Variants in NOTCH2 observed in about 807,000 individuals in gnomAD.
NOTCH2 encodes notch receptor 2, also known as neurogenic locus notch homolog protein 2.
In NOTCH2, 29 loss-of-function variants were observed where a neutral mutation model predicts 235.8. The observed-to-expected ratio is 0.12, with a 90% CI of 0.09 to 0.17. The LOEUF is 0.17. Among genes scored for constraint, NOTCH2 ranks in the 10% least tolerant of loss-of-function variants. The probability of loss-of-function intolerance (pLI) is 1.00; values close to 1 mark genes in which losing one functional copy is unlikely to be tolerated. For missense variants in NOTCH2, 2,285 were observed against 3,150.2 expected, an observed-to-expected ratio of 0.73 and a Z score of 6.57; for synonymous variants, 1,086 against 1,141.5, an observed-to-expected ratio of 0.95 and a Z score of 0.98.
intron 3 of NOTCH2, among the ~76,000 whole-genome samples, chr1:120,001,316 T>C (rs188555567): frequency 0.036 from 5,447 of 151,802 alleles, 133 homozygotes; most frequent in Middle Eastern, 0.13. Context: ...AGCTACTAGA[T>C]GGTTCAATTA....
At chr1:119,931,599 CCAGAAGAA>C (rs1376027498) in intron 22 of NOTCH2, among the ~76,000 whole-genome samples, 5 of 151,876 alleles carry the variant, frequency 3.3e-5, no homozygotes, top group Non-Finnish European at 5.9e-5. Context: ...TAAAGAAAAT[CCAGAAGAA>C]CACCAAAAAT....
intron 3 of NOTCH2, among the ~76,000 whole-genome samples, chr1:119,999,874 AGAC>A (rs1652645829): frequency 6.7e-6 from 1 of 149,244 alleles, no homozygotes; most frequent in African/African-American, 2.5e-5. Flanking sequence ...GAAGAAAGAC[AGAC>A]AGAAAGAGAG....
chr1:119,968,035 C>T, intron 7 of NOTCH2, 42 bp downstream of exon 7: 1 of 1,611,638 alleles, frequency 6.2e-7, no homozygotes. Context: ...TTGCTGAGCT[C>T]AACAGACACT....
chr1:119,974,025 T>C (rs587694907), intron 5 of NOTCH2, among the ~76,000 whole-genome samples: 17 of 152,220 alleles, frequency 1.1e-4, no homozygotes, highest in African/African-American at 3.4e-4. Context: ...AGTTGGCCAA[T>C]AGAACATAGA....
At chr1:119,964,443 A>G (rs587612872) in intron 10 of NOTCH2, among the ~76,000 whole-genome samples, 1 of 152,292 alleles carries the variant, frequency 6.6e-6, no homozygotes, top group South Asian at 2.1e-4. Context: ...ACCTGAGCTA[A>G]AGGTTTTTAA....
At chr1:119,960,644 G>A (rs905646109) in intron 11 of NOTCH2, among the ~76,000 whole-genome samples, 2 of 151,742 alleles carry the variant, frequency 1.3e-5, no homozygotes, top group Admixed American at 1.3e-4. Context: ...AGGATAAAAT[G>A]CCATACTTGT....
chr1:120,023,202 C>A (rs1289660845), intron 2 of NOTCH2, among the ~76,000 whole-genome samples: 2 of 151,398 alleles, frequency 1.3e-5, no homozygotes, highest in African/African-American at 4.9e-5. Context: ...CTTTGGGAGG[C>A]CGAGGCGGGC....
At position 119,915,394 on chromosome 1, in the gene NOTCH2, G is replaced by A; in HGVS notation, c.7328C>T (p.Pro2443Leu). The change falls in exon 34 of 34, where the codon CCT becomes CTT. Residue 2443 changes from proline to leucine, a missense_variant. Physicochemically the swap from Pro to Leu is moderately conservative, Grantham distance 98. This residue lies in a region of NOTCH2 where 504 missense variants were observed against 538.0 expected (regional missense o/e 0.94). Coordinates refer to ENST00000256646, the MANE Select transcript of NOTCH2 (RefSeq NM_024408.4). The part of the protein sequence containing the change: ...ASDWSDVTTS[P>L]TPGGAGGGQR... ...ACCTCCTCCAGCACCCCCAGGGGTA[G>A]GGCTGGTGGTCACATCTGACCAGTC... The A allele has an allele frequency of 6.2e-7, 1 of 1,614,084 alleles. No homozygotes were observed. Among genetic ancestry groups the A allele is most frequent in the East Asian group, 2.2e-5 (1 of 44,896 alleles).
chr1:119,926,588 C>A lies in NOTCH2; in HGVS notation c.3916G>T (p.Asp1306Tyr). ...FTGRHCETFVDVCPQMPCLNG... is the reference protein window; with the variant it reads ...FTGRHCETFVYVCPQMPCLNG... ...AGGCAGGGCATCTGGGGACACACAT[C>A]GACGAAGGTTTCACAGTGCCGGCCT... The change falls in exon 24 of 34, where the codon GAT becomes TAT. Residue 1306 changes from aspartate to tyrosine, a missense_variant. Transcript: ENST00000256646. 1 of 1,608,484 alleles carries A rather than the reference C, an allele frequency of 6.2e-7. No individual in the cohort carries two copies. Among genetic ancestry groups the A allele is most frequent in the Non-Finnish European group, 8.5e-7 (1 of 1,176,944 alleles).
In NOTCH2 at chr1:119,925,771, C is replaced by T. The variant is rs776129840; in HGVS notation, c.4045G>A (p.Val1349Met). The change falls in exon 25 of 34, where the codon GTG (valine) becomes ATG (methionine). Residue 1349 changes from valine to methionine, a missense_variant. Physicochemically the swap from Val to Met is conservative, Grantham distance 21. Around this residue, in one of 6 missense-constraint regions of NOTCH2, gnomAD observed 1,173 missense variants for 1,515.3 expected, o/e 0.77. Coordinates refer to ENST00000256646, the MANE Select transcript of NOTCH2 (RefSeq NM_024408.4). The stretch of plus-strand genomic sequence containing the variant: ...CACTGCTCCCCCTTCCTACATTTCA[C>T]TTGTCCACAGCTGCTCTGGCACCTT... ...GARCQSSCGQ[V>M]KCRKGEQCVH... 6.2e-7 allele frequency: 1 copy of T among 1,614,158 alleles called. No homozygotes were observed. Among genetic ancestry groups the T allele is most frequent in the Non-Finnish European group, 8.5e-7 (1 of 1,180,042 alleles).
intron 18 of NOTCH2, 46 bp from the exon 19 acceptor site, chr1:119,940,802 G>T: frequency 1.3e-6 from 2 of 1,508,202 alleles, no homozygotes; most frequent in South Asian, 1.1e-5. Context: ...TGGTGCCTGT[G>T]ACTTACTACT....
intron 14 of NOTCH2, among the ~76,000 whole-genome samples, chr1:119,952,883 T>C (rs2934387): frequency 0.17 from 25,625 of 152,230 alleles, 2,995 homozygotes; most frequent in African/African-American, 0.33. Flanking sequence ...ATCTTAATTA[T>C]AGTAAGCATA....
intron 12 of NOTCH2, among the ~76,000 whole-genome samples, chr1:119,957,827 TAA>T (rs1650761614): frequency 3.7e-5 from 3 of 82,076 alleles, no homozygotes; most frequent in South Asian, 3.9e-4. Flanking sequence ...AAGCCTTATA[TAA>T]ACACACACAC....
Position 119,925,355 on chromosome 1 carries a change from G to C in NOTCH2, c.4461C>G (p.Val1487=), listed in dbSNP as rs143995454. The C allele has an allele frequency of 6.2e-7, 1 of 1,613,968 alleles. No individual in the cohort carries two copies. Among genetic ancestry groups the C allele is most frequent in the South Asian group, 1.1e-5 (1 of 91,054 alleles). Residue 1487 remains valine (V), a synonymous_variant, in exon 25 of 34, where the codon GTC becomes GTG. Coordinates refer to ENST00000256646, the MANE Select transcript of NOTCH2 (RefSeq NM_024408.4). Reference sequence around the variant, plus strand: ...ATTCAAAGTTGTCAAACAGGCACTCGACCGTGTTGCACAGCTCATCACACT... The same window carrying C: ...ATTCAAAGTTGTCAAACAGGCACTCCACCGTGTTGCACAGCTCATCACACT... ...NNQCDELCNT[V]ECLFDNFECQ...
At chr1:119,953,822 C>T (rs1223100131) in intron 13 of NOTCH2, 134 bp from the exon 14 acceptor site, 3 of 811,908 alleles carry the variant, frequency 3.7e-6, no homozygotes, top group Non-Finnish European at 6.3e-6. Flanking sequence ...CCTTGCATCA[C>T]CTTGCACATG....
intron 5 of NOTCH2, among the ~76,000 whole-genome samples, chr1:119,970,722 C>A (rs895724763): frequency 4.6e-5 from 7 of 152,082 alleles, no homozygotes; most frequent in Admixed American, 3.9e-4. Flanking sequence ...CAGTATAGGG[C>A]CAGATCATAT....
chr1:119,979,549 T>G (rs772927700), intron 5 of NOTCH2, among the ~76,000 whole-genome samples: 1 of 152,148 alleles, frequency 6.6e-6, no homozygotes, highest in Non-Finnish European at 1.5e-5. Context: ...GGGTCCAACA[T>G]GTAACTCCTC....
chr1:120,065,837 C>T (rs1246912204), intron 1 of NOTCH2, among the ~76,000 whole-genome samples: 26 of 152,078 alleles, frequency 1.7e-4, no homozygotes, highest in Admixed American at 1.4e-3. Context: ...TTTAGGCATT[C>T]GAACTGAGAC....
chr1:119,981,813 C>G (rs937846739), intron 5 of NOTCH2, among the ~76,000 whole-genome samples: 4 of 152,008 alleles, frequency 2.6e-5, no homozygotes, highest in African/African-American at 9.7e-5. Context: ...AGGCTTACAG[C>G]AGAAAAATTG....
Sources: allele counts gnomAD v4.1 joint callset (sites outside exome capture counted in the v4.1 genomes callset), GRCh38; gene constraint gnomAD v4.1.1; regional missense constraint gnomAD v4.1.1; transcripts MANE v1.5; gene names NCBI Gene and HGNC (gene_info 2026-07-23, HGNC 2026-07-21).